ATP13A2: variants seen among roughly 807,000 people sequenced by gnomAD.
The protein encoded by ATP13A2 is polyamine-transporting ATPase 13A2.
ATP13A2 carries 83 observed loss-of-function variants against 138.3 expected under a neutral mutation model. That is an observed-to-expected ratio of 0.60 (90% CI 0.50 to 0.72). The LOEUF is 0.72. Ranked by LOEUF, ATP13A2 falls within the 30% of genes least tolerant of loss-of-function variation. The pLI, the probability that ATP13A2 is intolerant of heterozygous loss-of-function variation, is 0.00. For missense variants in ATP13A2, 1,402 were observed against 1,606.4 expected (o/e 0.87, Z 2.17); for synonymous variants, 663 against 699.0 (o/e 0.95, Z 0.81).
chr1:17,001,263 C>CAAAAAAAAAAAAAAAAAAAAAAAAA, intron 8 of ATP13A2, among the ~76,000 whole-genome samples: 1 of 124,034 alleles, frequency 8.1e-6, no homozygotes, highest in Non-Finnish European at 1.7e-5. Context: ...ACTAAAAATA[C>CAAAAAAAAAAAAAAAAAAAAAAAAA]AAAAAAAAAA....
chr1:17,007,106 C>T (rs773213421), intron 1 of ATP13A2, among the ~76,000 whole-genome samples: 15 of 152,094 alleles, frequency 9.9e-5, no homozygotes, highest in East Asian at 7.7e-4. Flanking sequence ...CTCAAACTGC[C>T]GACCTCAGGT....
Position 16,989,998 on chromosome 1 carries a change from A to G in ATP13A2, c.2418T>C (p.Pro806=). ...SPTAVNGVKD[P]DQAASYTVEP... ...CCACGGTGTAGCTTGCAGCCTGGTC[A>G]GGATCCTGGGGGCCCAGGAAGCTCA... Residue 806 remains proline (P), a synonymous_variant, in exon 22 of 29, where the codon CCT becomes CCC. Transcript: ENST00000326735. The G allele has an allele frequency of 1.9e-6, 3 of 1,612,128 alleles. No individual in the cohort carries two copies. The highest frequency in any genetic ancestry group is 2.5e-6 in the Non-Finnish European group (3 of 1,179,126).
chr1:17,011,745 T>C lies in ATP13A2; in HGVS notation c.-7A>G, dbSNP rs1037728832. ...CGCACTCACCTGCGCTCATGCCGGCTCCTCGCGCTCATCGCCGGCCCCGGC... is the reference window on the plus strand; with the variant it reads ...CGCACTCACCTGCGCTCATGCCGGCCCCTCGCGCTCATCGCCGGCCCCGGC... On this transcript the variant is annotated 5_prime_UTR_variant, in exon 1 of 29. Coordinates refer to ENST00000326735, the MANE Select transcript of ATP13A2 (RefSeq NM_022089.4). The surrounding 1 kb of genome is among the most constrained non-coding windows in gnomAD (Gnocchi z 7.3). The C allele has an allele frequency of 2.1e-6, 3 of 1,458,020 alleles. No homozygotes were observed. The African/African-American group carries it at 4.4e-5, about 22-fold the overall frequency. 90.3% of individuals were successfully genotyped at this position (1,458,020 alleles called of 1,614,324 possible).
rs369680614 is a variant in ATP13A2, at chr1:16,996,246, A to G, written c.1353+8T>C. ...GGCAGCACCCCCCACCCCACCCCCA[A>G]GGCTTACCCGGTTTCGGTAGAGGAT... On this transcript the variant is annotated splice_region_variant and intron_variant, in intron 14 of 28. Coordinates refer to ENST00000326735, the MANE Select transcript of ATP13A2 (RefSeq NM_022089.4). 3.0e-5 allele frequency: 49 copies of G among 1,614,058 alleles called. No homozygotes were observed. The African/African-American group carries it at 6.1e-4, about 20-fold the overall frequency.
rs2077301388 is a variant in ATP13A2, at chr1:17,000,253, T to G, written c.900A>C (p.Pro300=). 9 of 1,140,572 alleles carry G rather than the reference T, an allele frequency of 7.9e-6. No homozygotes were observed. The highest frequency in any genetic ancestry group is 9.8e-6 in the Non-Finnish European group (9 of 913,880). 70.7% of individuals were successfully genotyped at this position (1,140,572 alleles called of 1,614,324 possible). A position where few individuals can be genotyped will look rare whatever the true frequency, so the allele number is the denominator to read the frequency against. Residue 300 remains proline, a synonymous_variant, in exon 10 of 29, where the codon CCA becomes CCC. Transcript: ENST00000326735. ...KLSMRVCVCR[P]GGEEEWVDSS... ...TGGGCCCTAGCTCCTCACCTCCCCC[T>G]GGCCGGCACACGCACACCCGCATGG...
chr1:17,000,152 G>C lies in ATP13A2; in HGVS notation c.908-10C>G. On this transcript the variant is annotated splice_polypyrimidine_tract_variant and intron_variant, in intron 10 of 28. Coordinates refer to ENST00000326735, the MANE Select transcript of ATP13A2 (RefSeq NM_022089.4). ...TCCACCCACTCTTCCTCTGCAGGCA[G>C]GCAGGAGAGGAGCTCAGCTAGGTGG... 6.2e-7 allele frequency: 1 copy of C among 1,613,026 alleles called. No homozygotes were observed.
At position 16,987,230 on chromosome 1, in the gene ATP13A2, C is replaced by G. The variant is rs772870846; in HGVS notation, c.2899G>C (p.Asp967His). The G allele has an allele frequency of 6.2e-7, 1 of 1,613,800 alleles. No homozygotes were observed. The highest frequency in any genetic ancestry group is 8.5e-7 in the Non-Finnish European group (1 of 1,179,838). The change falls in exon 26 of 29, where the codon GAC becomes CAC. Residue 967 changes from aspartate to histidine, a missense_variant. By Grantham distance (81) the Asp-to-His change is moderately conservative. Transcript: ENST00000326735. ...NLGDLQFLAI[D>H]LVITTTVAVL... Reference sequence around the variant, plus strand: ...GCCACTGTGGTGGTGATGACCAGGTCGATGGCCAGGAACTGCAGGTCACCC... The same window carrying G: ...GCCACTGTGGTGGTGATGACCAGGTGGATGGCCAGGAACTGCAGGTCACCC...
Position 16,986,248 on chromosome 1 carries a change from C to T in ATP13A2, c.3516G>A (p.Pro1172=), listed in dbSNP as rs3170740. ...LERELAEQPW[P]PLPAGPLR ...ACCTCAGGGGGCCGGCGGGCAGCGG[C>T]GGCCAGGGCTGCTCGGCCAGCTCTC... The change falls in exon 29 of 29, where the codon CCG becomes CCA. Residue 1172 remains proline (P), a synonymous_variant. Transcript: ENST00000326735. This position sits in a 1 kb window ranked among gnomAD's most constrained non-coding sequence, Gnocchi z 6.9. 0.49 allele frequency: 793,615 copies of T among 1,608,170 alleles called. 201,659 individuals carry two copies. The highest frequency in any genetic ancestry group is 0.53 in the Non-Finnish European group (619,876 of 1,177,948).
chr1:16,987,055 G>A lies in ATP13A2; in HGVS notation c.3074C>T (p.Ala1025Val), dbSNP rs763606239. ...TCAGCTCCCTACTCACCATGGCTGG[G>A]CCAGGGTCAGGAAGTAGCCCCCTAG... Reference protein sequence around the residue: ...VQLGGYFLTLAQPWFVPLNRT... With the variant: ...VQLGGYFLTLVQPWFVPLNRT... Residue 1025 changes from alanine (A) to valine (V), a missense_variant, in exon 26 of 29, where the codon GCC becomes GTC. By Grantham distance (64) the Ala-to-Val change is moderately conservative (BLOSUM62 0). Coordinates refer to ENST00000326735, the MANE Select transcript of ATP13A2 (RefSeq NM_022089.4). 1.2e-6 allele frequency: 2 copies of A among 1,613,428 alleles called. No homozygotes were observed. Among genetic ancestry groups the A allele is most frequent in the South Asian group, 1.1e-5 (1 of 91,080 alleles).
chr1:16,997,414 C>CGGGGGGGGGGGGGGGGGGGGGGG (rs1379881479), intron 11 of ATP13A2, among the ~76,000 whole-genome samples: 1 of 56,640 alleles, frequency 1.8e-5, no homozygotes, highest in Admixed American at 1.9e-4. Flanking sequence ...CTGGAACCAG[C>CGGGGGGGGGGGGGGGGGGGGGGG]GGGGGGGGGT....
intron 6 of ATP13A2, among the ~76,000 whole-genome samples, chr1:17,003,284 C>A (rs1217199931): frequency 6.6e-6 from 1 of 152,040 alleles, no homozygotes; most frequent in Non-Finnish European, 1.5e-5. Flanking sequence ...TGAGCAGGGC[C>A]CGGTGGCTCA....
At chr1:16,994,394 A>G (rs1570810185) in intron 15 of ATP13A2, among the ~76,000 whole-genome samples, 1 of 150,608 alleles carries the variant, frequency 6.6e-6, no homozygotes, top group African/African-American at 2.4e-5. Context: ...TACCTCGCCC[A>G]CCTAATTTTT....
chr1:17,002,161 G>A (rs892321472), intron 7 of ATP13A2, 58 bp from the exon 8 acceptor site: 15 of 1,590,310 alleles, frequency 9.4e-6, no homozygotes, highest in South Asian at 2.3e-5. Flanking sequence ...GGACCCTCCC[G>A]GGGTGAAGGA....
rs189334432 is a variant in ATP13A2 at position 16,986,091 on chromosome 1, G to C, written c.*130C>G. 6.5e-7 allele frequency: 1 copy of C among 1,548,890 alleles called. No homozygotes were observed. The highest frequency in any genetic ancestry group is 1.2e-5 in the South Asian group (1 of 84,168). ...GCTTCCCCAGGGTGGGGGTGGTCTC[G>C]GGGGAGGAGTGTAGACAGTCGCCAA... On this transcript the variant is annotated 3_prime_UTR_variant, in exon 29 of 29. Coordinates refer to ENST00000326735, the MANE Select transcript of ATP13A2 (RefSeq NM_022089.4). This position sits in a 1 kb window ranked among gnomAD's most constrained non-coding sequence, Gnocchi z 6.9.
At chr1:16,999,606 A>G (rs2077271739) in intron 11 of ATP13A2, among the ~76,000 whole-genome samples, 1 of 152,026 alleles carries the variant, frequency 6.6e-6, no homozygotes, top group Non-Finnish European at 1.5e-5. Flanking sequence ...GTTGCTTGAG[A>G]GAAAAAGGAA....
intron 15 of ATP13A2, among the ~76,000 whole-genome samples, chr1:16,994,197 C>CTCTCTCTCTCTCTCATTTATTT (rs762110883): frequency 1.4e-5 from 2 of 147,414 alleles, no homozygotes; most frequent in African/African-American, 4.9e-5. Flanking sequence ...CTCTCTCTCT[C>CTCTCTCTCTCTCTCATTTATTT]ATTTATTTAT....
Sources: gnomAD v4.1 joint callset for allele counts (sites outside exome capture counted in the v4.1 genomes callset) on GRCh38, gnomAD v4.1.1 for gene constraint, Gnocchi (gnomAD v3.1) non-coding constraint, MANE v1.5 for transcripts, NCBI Gene and HGNC (gene_info 2026-07-23, HGNC 2026-07-21) for gene names.